The following IGSF9B variants were observed in gnomAD, a reference collection of about 807,000 sequenced individuals.
IGSF9B encodes the protein immunoglobulin superfamily member 9B, also known as protein turtle homolog B.
A neutral mutation model predicts 143.7 loss-of-function variants in IGSF9B; 48 were observed. The observed-to-expected ratio is 0.33, with a 90% confidence interval of 0.26 to 0.42. The LOEUF (loss-of-function observed/expected upper bound fraction) is 0.42, where lower values mean the gene tolerates loss of function less well. Ranked by LOEUF, IGSF9B falls within the 20% of genes least tolerant of loss-of-function variation. The probability of loss-of-function intolerance (pLI) is 1.00; values close to 1 mark genes in which losing one functional copy is unlikely to be tolerated. For missense variants in IGSF9B, 1,706 were observed against 1,980.0 expected, an observed-to-expected ratio of 0.86 and a Z score of 2.63; for synonymous variants, 903 against 833.1, an observed-to-expected ratio of 1.08 and a Z score of -1.44.
intron 13 of IGSF9B, among the ~76,000 whole-genome samples, 192 bp downstream of exon 13, chr11:133,926,724 G>A (rs1939632452): frequency 6.6e-6 from 1 of 152,230 alleles, no homozygotes; most frequent in African/African-American, 2.4e-5. Flanking sequence ...TTCGGCCAAT[G>A]GCACTCTGAT....
In IGSF9B at chr11:133,921,184, G is replaced by C; in HGVS notation, c.2541C>G (p.Ile847Met). Residue 847 changes from isoleucine to methionine, a missense_variant, in exon 18 of 20, where the codon ATC becomes ATG. By Grantham distance (10) the Ile-to-Met change is conservative. Coordinates refer to ENST00000533871, the MANE Select transcript of IGSF9B (RefSeq NM_001277285.4). ...CGTCAGGGCCTCTGCTGATGAGCTC[G>C]ATGGGCGTGGTGGCCTCTGCCTCGG... ...AEAEAEATTP[I>M]ELISRGPDGR... The C allele has an allele frequency of 1.9e-6, 3 of 1,609,206 alleles. No homozygotes were observed. Among genetic ancestry groups the C allele is most frequent in the Non-Finnish European group, 2.5e-6 (3 of 1,177,128 alleles).
At chr11:133,919,676 C>T in intron 18 of IGSF9B, 66 bp downstream of exon 18, 1 of 1,045,782 alleles carries the variant, frequency 9.6e-7, no homozygotes, top group Non-Finnish European at 1.3e-6. Context: ...GGGTGGAGGG[C>T]AGGGCGAGGC....
rs961600298 is a variant in IGSF9B, at chr11:133,903,242, C to T, written c.*5827G>A. On this transcript the variant is annotated 3_prime_UTR_variant, in exon 20 of 20. Coordinates refer to ENST00000533871, the MANE Select transcript of IGSF9B (RefSeq NM_001277285.4). ...TTGGTGGAGCACACTTCTTCAAGAC[C>T]CGAAAGAAAGGCAGGCCCAGGCAGC... Among the ~76,000 whole-genome samples the T allele has an allele frequency of 6.6e-6, 1 of 151,924 alleles. No homozygotes were observed. Among genetic ancestry groups the T allele is most frequent in the Non-Finnish European group, 1.5e-5 (1 of 67,998 alleles).
At position 133,920,936 on chromosome 11, in the gene IGSF9B, G is replaced by A. The variant is rs1417572236; in HGVS notation, c.2789C>T (p.Pro930Leu). Residue 930 changes from proline (P) to leucine (L), a missense_variant, in exon 18 of 20, where the codon CCT becomes CTT. Pro to Leu is a moderately conservative substitution (Grantham distance 98). This residue lies in a region of IGSF9B where 880 missense variants were observed against 762.9 expected (regional missense o/e 1.15). Coordinates refer to ENST00000533871, the MANE Select transcript of IGSF9B (RefSeq NM_001277285.4). Reference sequence around the variant, plus strand: ...CTCCAGCCCGCGGGGCTGGAACCGAGGGCTGTATGCTGGTGGTGGCAGGTA... The same window carrying A: ...CTCCAGCCCGCGGGGCTGGAACCGAAGGCTGTATGCTGGTGGTGGCAGGTA... ...ESYLPPPAYS[P>L]RFQPRGLEGP... is the part of the protein sequence containing the mutation. 1 of 1,610,498 alleles carries A rather than the reference G, an allele frequency of 6.2e-7. No individual in the cohort carries two copies. The highest frequency in any genetic ancestry group is 2.2e-5 in the East Asian group (1 of 44,800).
chr11:133,940,249 G>A (rs530468586), intron 3 of IGSF9B, among the ~76,000 whole-genome samples: 140 of 115,406 alleles, frequency 1.2e-3, no homozygotes, highest in African/African-American at 4.4e-3. Flanking sequence ...CACACACCTC[G>A]CACGTCCTCG....
At position 133,921,225 on chromosome 11, in the gene IGSF9B, C is replaced by T. The variant is rs771150072; in HGVS notation, c.2500G>A (p.Val834Met). 6.2e-6 allele frequency: 10 copies of T among 1,610,424 alleles called. No individual in the cohort carries two copies. The highest frequency in any genetic ancestry group is 1.3e-5 in the African/African-American group (1 of 74,924). Residue 834 changes from valine to methionine, a missense_variant, in exon 18 of 20, where the codon GTG (valine) becomes ATG (methionine). Around this residue, in one of 7 missense-constraint regions of IGSF9B, gnomAD observed 135 missense variants for 181.3 expected, o/e 0.74. Coordinates refer to ENST00000533871, the MANE Select transcript of IGSF9B (RefSeq NM_001277285.4). ...KRAISSKKYS[V>M]AKAEAEAEAT... ...TCTGCCTCGGCCTCTGCCTTGGCCA[C>T]GCTGTACTTCTTGCTGCTGATGGCC...
At chr11:133,916,546 G>T (rs568997606) in intron 18 of IGSF9B, among the ~76,000 whole-genome samples, 1 of 152,288 alleles carries the variant, frequency 6.6e-6, no homozygotes, top group East Asian at 1.9e-4. Flanking sequence ...GGATGGGGAG[G>T]GTCTCCTTCT....
rs558570939 is a variant in IGSF9B at position 133,914,000 on chromosome 11, G to A, written c.3984-1993C>T. On this transcript the variant is annotated intron_variant, in intron 18 of 19. Transcript: ENST00000533871. The surrounding 1 kb of genome is among the most constrained non-coding windows in gnomAD (Gnocchi z 4.6). ...TCATCCAGGGCGACCGCTGGGGCAC[G>A]AGAGAAACCGGTACAGGGTGCCCTG... is the stretch of plus-strand genomic sequence containing the variant. 3.0e-4 allele frequency among the ~76,000 whole-genome samples: 45 copies of A among 152,272 alleles called. No individual in the cohort carries two copies. The highest frequency in any genetic ancestry group is 3.4e-3 in the Middle Eastern group (1 of 294).
intron 18 of IGSF9B, chr11:133,918,967 G>A (rs1939449981): frequency 4.3e-6 from 2 of 470,236 alleles, no homozygotes; most frequent in Non-Finnish European, 8.8e-6. Flanking sequence ...GAGCGGGGAC[G>A]GCAGGGAAGA....
At chr11:133,936,477 CTT>C (rs147332652) in intron 5 of IGSF9B, among the ~76,000 whole-genome samples, 1 of 152,200 alleles carries the variant, frequency 6.6e-6, no homozygotes, top group Non-Finnish European at 1.5e-5. Context: ...AAAGGCAACT[CTT>C]TTCAAATCTA....
At chr11:133,941,786 G>A (rs554043242) in intron 3 of IGSF9B, among the ~76,000 whole-genome samples, 3 of 152,222 alleles carry the variant, frequency 2.0e-5, no homozygotes, top group South Asian at 2.1e-4. Flanking sequence ...CGCTCTCCTC[G>A]CTCTGGGCTT....
chr11:133,953,298 C>T lies in IGSF9B; in HGVS notation c.64+3393G>A, dbSNP rs1940196093. On this transcript the variant is annotated intron_variant, in intron 1 of 19. Coordinates refer to ENST00000533871, the MANE Select transcript of IGSF9B (RefSeq NM_001277285.4). The surrounding 1 kb of genome is among the most constrained non-coding windows in gnomAD (Gnocchi z 4.2). ...CAGCACATGCAGGGCCACAGGCCCG[C>T]GGCTGAAAGCTGATTGCCCTCTGCC... 6.6e-6 allele frequency among the ~76,000 whole-genome samples: 1 copy of T among 152,212 alleles called. No homozygotes were observed. Among genetic ancestry groups the T allele is most frequent in the South Asian group, 2.1e-4 (1 of 4,834 alleles).
intron 19 of IGSF9B, among the ~76,000 whole-genome samples, chr11:133,910,233 G>A (rs375427254): frequency 3.0e-3 from 450 of 152,292 alleles, no homozygotes; most frequent in African/African-American, 8.5e-3. Context: ...GTGTGTGTTC[G>A]TAACTGAAAG....
chr11:133,922,479 G>T, intron 16 of IGSF9B, 90 bp downstream of exon 16: 2 of 1,292,670 alleles, frequency 1.5e-6, no homozygotes, highest in South Asian at 1.4e-5. Flanking sequence ...CTATTTCCAA[G>T]GGGGGCCATG....
At position 133,931,896 on chromosome 11, in the gene IGSF9B, AG is replaced by A. The variant is rs983246559; in HGVS notation, c.1111-102del. Reference sequence around the variant, plus strand: ...GGCCAGGCAGCACGCAGGATAGTACAGGAGCTCCAGCCCGGGGCGGGCGGCA... The same window carrying A: ...GGCCAGGCAGCACGCAGGATAGTACAGAGCTCCAGCCCGGGGCGGGCGGCA... On this transcript the variant is annotated intron_variant, in intron 8 of 19. Coordinates refer to ENST00000533871, the MANE Select transcript of IGSF9B (RefSeq NM_001277285.4). This position sits in a 1 kb window ranked among gnomAD's most constrained non-coding sequence, Gnocchi z 7.7. 9 of 1,533,612 alleles carry A rather than the reference AG, an allele frequency of 5.9e-6. No homozygotes were observed. In the Admixed American group the frequency reaches 6.8e-5, roughly 12 times the overall value.
Position 133,952,842 on chromosome 11 carries a change from G to T in IGSF9B, c.64+3849C>A, listed in dbSNP as rs147965832. On this transcript the variant is annotated intron_variant, in intron 1 of 19. Coordinates refer to ENST00000533871, the MANE Select transcript of IGSF9B (RefSeq NM_001277285.4). Reference sequence around the variant, plus strand: ...ACTTCTGGACAGCTGGAAGCTCTCAGCAGTTGCAGCTCTTTGACCATTCAG... The same window carrying T: ...ACTTCTGGACAGCTGGAAGCTCTCATCAGTTGCAGCTCTTTGACCATTCAG... Among the ~76,000 whole-genome samples, 336 of 152,246 alleles carry T rather than the reference G, an allele frequency of 2.2e-3. 5 individuals are homozygous for T. The highest frequency in any genetic ancestry group is 7.6e-3 in the African/African-American group (315 of 41,560).
intron 18 of IGSF9B, among the ~76,000 whole-genome samples, chr11:133,914,391 C>T (rs907394064): frequency 2.0e-5 from 3 of 152,178 alleles, no homozygotes; most frequent in East Asian, 1.9e-4. Flanking sequence ...ATGGCATCCC[C>T]GCCACACCTG....
intron 15 of IGSF9B, among the ~76,000 whole-genome samples, chr11:133,923,774 G>A (rs542989069): frequency 1.3e-4 from 20 of 152,320 alleles, no homozygotes; most frequent in African/African-American, 4.6e-4. Flanking sequence ...AGTGTCTGAC[G>A]AGGCACATTT....
intron 1 of IGSF9B, among the ~76,000 whole-genome samples, 184 bp downstream of exon 1, chr11:133,956,507 C>T (rs1288834447): frequency 1.6e-5 from 2 of 124,310 alleles, no homozygotes; most frequent in Non-Finnish European, 3.4e-5. Context: ...CCACGGCCCC[C>T]AGGCCCTCCC....
Sources: allele counts gnomAD v4.1 joint callset (sites outside exome capture counted in the v4.1 genomes callset), GRCh38; gene constraint gnomAD v4.1.1; regional missense constraint gnomAD v4.1.1; non-coding constraint Gnocchi (gnomAD v3.1); transcripts MANE v1.5; gene names NCBI Gene and HGNC (gene_info 2026-07-23, HGNC 2026-07-21).